Variants in CHODL observed in about 807,000 individuals in gnomAD.
The protein encoded by CHODL is transmembrane protein MT75.
Under a neutral mutation model 34.5 loss-of-function variants are expected in CHODL, and 29 were observed. The observed-to-expected ratio is 0.84, with a 90% confidence interval of 0.63 to 1.15. The LOEUF is 1.15. Among genes scored for constraint, CHODL ranks in the 50% most tolerant of loss-of-function variants. CHODL has a pLI of 0.00. For synonymous variants in CHODL, 125 were observed against 116.1 expected (o/e 1.08, Z -0.49); for missense variants, 332 against 332.5 (o/e 1.00, Z 0.01).
chr21:18,042,191 T>A (rs919790227), intron 2 of CHODL, among the ~76,000 whole-genome samples: 1 of 151,904 alleles, frequency 6.6e-6, no homozygotes, highest in African/African-American at 2.4e-5. Context: ...ATTTTAATAT[T>A]TTAGAAGGGG....
At chr21:18,183,430 T>A (rs2073405431) in intron 2 of CHODL, among the ~76,000 whole-genome samples, 1 of 152,208 alleles carries the variant, frequency 6.6e-6, no homozygotes, top group Non-Finnish European at 1.5e-5. Flanking sequence ...ACCTTGTACA[T>A]GAAGATGTAC....
At chr21:18,128,320 A>G in intron 2 of CHODL, among the ~76,000 whole-genome samples, 1 of 139,126 alleles carries the variant, frequency 7.2e-6, no homozygotes, top group African/African-American at 2.6e-5. Flanking sequence ...AAAAAAAAAA[A>G]AAAAAAAAAA....
chr21:18,221,150 T>C (rs1278370048), intron 2 of CHODL, among the ~76,000 whole-genome samples: 1 of 152,148 alleles, frequency 6.6e-6, no homozygotes, highest in African/African-American at 2.4e-5. Context: ...AGAAATTCTT[T>C]CTTCTGCTTA....
At chr21:18,135,585 A>C (rs2072712429) in intron 2 of CHODL, among the ~76,000 whole-genome samples, 1 of 152,122 alleles carries the variant, frequency 6.6e-6, no homozygotes, top group Non-Finnish European at 1.5e-5. Context: ...TAATTCTTGG[A>C]AGTCTTTTCT....
chr21:17,938,931 T>C (rs1385462681), intron 1 of CHODL, among the ~76,000 whole-genome samples: 1 of 152,202 alleles, frequency 6.6e-6, no homozygotes, highest in African/African-American at 2.4e-5. Flanking sequence ...ATAGGTATTA[T>C]TTAAATATTG....
At chr21:18,247,964 A>C (rs1413516734) in intron 1 of CHODL, among the ~76,000 whole-genome samples, 1 of 151,974 alleles carries the variant, frequency 6.6e-6, no homozygotes, top group African/African-American at 2.4e-5. Context: ...TTTGAAGAGC[A>C]AGTGATACTT....
intron 2 of CHODL, among the ~76,000 whole-genome samples, chr21:18,219,864 T>C (rs1476842526): frequency 6.6e-6 from 1 of 152,198 alleles, no homozygotes; most frequent in African/African-American, 2.4e-5. Context: ...GCAAATATTT[T>C]CTCCCATTCT....
intron 2 of CHODL, among the ~76,000 whole-genome samples, chr21:18,158,360 T>G (rs1261389452): frequency 6.6e-6 from 1 of 152,164 alleles, no homozygotes; most frequent in East Asian, 1.9e-4. Flanking sequence ...CAGAAGGTGC[T>G]TCACATAAAA....
At chr21:18,093,553 A>G (rs908260991) in intron 2 of CHODL, among the ~76,000 whole-genome samples, 1 of 152,186 alleles carries the variant, frequency 6.6e-6, no homozygotes, top group Admixed American at 6.5e-5. Context: ...CAGTACAATG[A>G]GATATAAAGA....
At chr21:18,132,425 A>G (rs887004744) in intron 2 of CHODL, among the ~76,000 whole-genome samples, 18 of 152,176 alleles carry the variant, frequency 1.2e-4, no homozygotes, top group Admixed American at 6.5e-5. Flanking sequence ...GTGTCCTCCA[A>G]TCCTTGGAAG....
At chr21:18,233,100 T>C (rs2073998249) in intron 2 of CHODL, among the ~76,000 whole-genome samples, 1 of 151,840 alleles carries the variant, frequency 6.6e-6, no homozygotes, top group Non-Finnish European at 1.5e-5. Flanking sequence ...TGCAACTTTG[T>C]ACCCTTTGAC....
At chr21:18,083,785 T>TA (rs1215057828) in intron 2 of CHODL, among the ~76,000 whole-genome samples, 1 of 152,250 alleles carries the variant, frequency 6.6e-6, no homozygotes, top group Non-Finnish European at 1.5e-5. Context: ...CCAATGCCTG[T>TA]ATTCCCATTG....
chr21:17,932,799 G>C (rs1600978925), intron 1 of CHODL, among the ~76,000 whole-genome samples: 1 of 152,160 alleles, frequency 6.6e-6, no homozygotes, highest in Non-Finnish European at 1.5e-5. Context: ...AAAAGACACA[G>C]AGACAAAGTA....
chr21:17,920,788 A>C (rs978086331), intron 1 of CHODL, among the ~76,000 whole-genome samples: 2 of 152,190 alleles, frequency 1.3e-5, no homozygotes, highest in African/African-American at 4.8e-5. Context: ...CTAGTGAGGT[A>C]GTCAGAGGCC....
At chr21:18,106,862 C>T (rs1476082857) in intron 2 of CHODL, among the ~76,000 whole-genome samples, 1 of 152,202 alleles carries the variant, frequency 6.6e-6, no homozygotes, top group African/African-American at 2.4e-5. Context: ...CCAAAGGAGT[C>T]TTGGTTTATC....
At chr21:18,117,834 A>G in intron 2 of CHODL, among the ~76,000 whole-genome samples, 1 of 152,172 alleles carries the variant, frequency 6.6e-6, no homozygotes, top group East Asian at 1.9e-4. Context: ...AATTGTTTAA[A>G]CATTGCTATT....
chr21:18,037,893 A>C (rs1044166395), intron 2 of CHODL, among the ~76,000 whole-genome samples: 1 of 151,778 alleles, frequency 6.6e-6, no homozygotes, highest in African/African-American at 2.4e-5. Context: ...CAATTCTACA[A>C]GTCTTGCATT....
At chr21:18,090,027 A>C (rs924859384) in intron 2 of CHODL, among the ~76,000 whole-genome samples, 1 of 152,230 alleles carries the variant, frequency 6.6e-6, no homozygotes, top group African/African-American at 2.4e-5. Flanking sequence ...CAACTGATAC[A>C]ATAAACAATA....
intron 2 of CHODL, among the ~76,000 whole-genome samples, chr21:18,119,590 C>T (rs1425263382): frequency 6.6e-6 from 1 of 152,002 alleles, no homozygotes; most frequent in Non-Finnish European, 1.5e-5. Flanking sequence ...GTAGGTCAAG[C>T]CAGAGGAACA....
Sources: gnomAD v4.1 joint callset for allele counts (sites outside exome capture counted in the v4.1 genomes callset) on GRCh38, gnomAD v4.1.1 for gene constraint, MANE v1.5 for transcripts, NCBI Gene and HGNC (gene_info 2026-07-23, HGNC 2026-07-21) for gene names.